HFM1: variants seen among roughly 807,000 people sequenced by gnomAD.
HFM1 encodes the protein helicase for meiosis 1, also known as probable ATP-dependent DNA helicase HFM1.
HFM1 carries 169 observed loss-of-function variants against 192.1 expected under a neutral mutation model. The observed-to-expected ratio is 0.88, with a 90% confidence interval of 0.78 to 1.00. The LOEUF (loss-of-function observed/expected upper bound fraction) is 1.00, where lower values mean the gene tolerates loss of function less well. HFM1 is among the 50% of genes least tolerant of loss of function. The probability of loss-of-function intolerance (pLI) is 0.00; values close to 1 mark genes in which losing one functional copy is unlikely to be tolerated. For missense variants in HFM1, 1,661 were observed against 1,668.0 expected (o/e 1.00, Z 0.07); for synonymous variants, 525 against 537.8 (o/e 0.98, Z 0.33).
intron 30 of HFM1, among the ~76,000 whole-genome samples, chr1:91,294,892 T>C (rs1392870539): frequency 6.6e-6 from 1 of 152,210 alleles, no homozygotes; most frequent in Non-Finnish European, 1.5e-5. Context: ...TCACATAATA[T>C]GCAAGGGGAA....
At chr1:91,299,083 G>A (rs1254371313) in intron 30 of HFM1, among the ~76,000 whole-genome samples, 1 of 152,142 alleles carries the variant, frequency 6.6e-6, no homozygotes, top group Admixed American at 6.5e-5. Flanking sequence ...AAAATAAAGG[G>A]ATGGAGGAAG....
chr1:91,390,150 G>T (rs1199792479), intron 4 of HFM1, among the ~76,000 whole-genome samples: 1 of 152,092 alleles, frequency 6.6e-6, no homozygotes, highest in African/African-American at 2.4e-5. Context: ...AAAACAAAAT[G>T]AAATACTGGC....
intron 18 of HFM1, among the ~76,000 whole-genome samples, chr1:91,347,958 T>C (rs1557888841): frequency 6.6e-6 from 1 of 152,142 alleles, no homozygotes; most frequent in Non-Finnish European, 1.5e-5. Flanking sequence ...ATCAAAAGAT[T>C]TATATTCATA....
At chr1:91,350,631 T>G (rs1040642342) in intron 18 of HFM1, 107 bp downstream of exon 18, 2 of 985,902 alleles carry the variant, frequency 2.0e-6, no homozygotes, top group East Asian at 5.3e-5. Context: ...CCTTTTGTTT[T>G]GTTACCTATT....
chr1:91,261,183 G>GA lies in HFM1; in HGVS notation c.*106dup, dbSNP rs1665122984. ...TGAACAAAGCTAATCAAATACAGGA[G>GA]AAAAAAATCCGAACAATTATGAACT... On this transcript the variant is annotated 3_prime_UTR_variant, in exon 39 of 39. Coordinates refer to ENST00000370425, the MANE Select transcript of HFM1 (RefSeq NM_001017975.6). 4.3e-6 allele frequency: 2 copies of GA among 467,692 alleles called. No individual in the cohort carries two copies. Among genetic ancestry groups the GA allele is most frequent in the Non-Finnish European group, 7.3e-6 (2 of 272,428 alleles). 29.0% of individuals were successfully genotyped at this position (467,692 alleles called of 1,614,324 possible).
chr1:91,345,775 T>C (rs2101673504), intron 19 of HFM1, among the ~76,000 whole-genome samples: 1 of 152,278 alleles, frequency 6.6e-6, no homozygotes, highest in African/African-American at 2.4e-5. Flanking sequence ...AATGGTCCTG[T>C]CTCATACCCA....
chr1:91,308,341 T>C (rs1337805868), intron 30 of HFM1, among the ~76,000 whole-genome samples: 1 of 152,154 alleles, frequency 6.6e-6, no homozygotes, highest in African/African-American at 2.4e-5. Flanking sequence ...CCACAAATCC[T>C]ATATTTGGTT....
chr1:91,304,667 C>CA (rs1336627088), intron 30 of HFM1, among the ~76,000 whole-genome samples: 6 of 148,406 alleles, frequency 4.0e-5, no homozygotes, highest in Non-Finnish European at 8.9e-5. Flanking sequence ...TTAGTAGAGA[C>CA]AGAGTTTCAC....
chr1:91,371,160 T>C (rs1312194198), intron 13 of HFM1, among the ~76,000 whole-genome samples: 2 of 152,020 alleles, frequency 1.3e-5, no homozygotes, highest in African/African-American at 2.4e-5. Flanking sequence ...AAAATGGCCA[T>C]ACTGCCCAAG....
rs1355156017 is a variant in HFM1, at chr1:91,319,274, C to T, written c.2680+19G>A. The T allele has an allele frequency of 1.2e-6, 2 of 1,605,406 alleles. No homozygotes were observed. Among genetic ancestry groups the T allele is most frequent in the African/African-American group, 1.3e-5 (1 of 74,682 alleles). ...TTTATTGGAAAAAATATTTAAAATC[C>T]ACTAATCCTGTAACATACATCTTGT... is the stretch of plus-strand genomic sequence containing the variant. On this transcript the variant is annotated intron_variant, in intron 24 of 38. Transcript: ENST00000370425.
chr1:91,352,495 T>C lies in HFM1; in HGVS notation c.1977+11A>G, dbSNP rs1189222723. 29 of 1,548,512 alleles carry C rather than the reference T, an allele frequency of 1.9e-5. No homozygotes were observed. Among genetic ancestry groups the C allele is most frequent in the Non-Finnish European group, 2.4e-5 (28 of 1,152,934 alleles). On this transcript the variant is annotated intron_variant, in intron 16 of 38. Coordinates refer to ENST00000370425, the MANE Select transcript of HFM1 (RefSeq NM_001017975.6). ...TTTTTAAGTATAAAAAGCAAAGTTA[T>C]TGTCACTTACTTGAGGTCGACCAGC...
chr1:91,357,906 G>A lies in HFM1; in HGVS notation c.1686-4607C>T, dbSNP rs371060794. On this transcript the variant is annotated intron_variant, in intron 13 of 38. Coordinates refer to ENST00000370425, the MANE Select transcript of HFM1 (RefSeq NM_001017975.6). ...GTTTAATTAAGGAGGTAAAAGATCT[G>A]TACACTGAAAGCTATCAAACAATGG... Among the ~76,000 whole-genome samples, 37 of 152,114 alleles carry A rather than the reference G, an allele frequency of 2.4e-4. No individual in the cohort carries two copies. The East Asian group carries it at 2.9e-3, about 12-fold the overall frequency.
intron 4 of HFM1, among the ~76,000 whole-genome samples, chr1:91,393,836 G>A (rs766413927): frequency 5.3e-5 from 8 of 152,040 alleles, no homozygotes; most frequent in Non-Finnish European, 1.2e-4. Context: ...TAGAAAATTT[G>A]TTAAAAATGA....
Position 91,342,151 on chromosome 1 carries a change from A to AAAAAAAAAAAAAAAAAAAC in HFM1, c.2335+1278_2335+1279insGTTTTTTTTTTTTTTTTTT, listed in dbSNP as rs58288889. On this transcript the variant is annotated intron_variant, in intron 20 of 38. Transcript: ENST00000370425. ...ACACAATGAAAAAAAAAAAAAAAAA[A>AAAAAAAAAAAAAAAAAAAC]TTCAGGCGAATATTCCTGATGAACA... Among the ~76,000 whole-genome samples, 2 of 111,832 alleles carry AAAAAAAAAAAAAAAAAAAC rather than the reference A, an allele frequency of 1.8e-5. 1 individual carries two copies. Among genetic ancestry groups the AAAAAAAAAAAAAAAAAAAC allele is most frequent in the African/African-American group, 6.8e-5 (2 of 29,540 alleles). 73.4% of individuals were successfully genotyped at this position (111,832 alleles called of 152,430 possible).
At chr1:91,287,938 T>C (rs1030084317) in intron 30 of HFM1, among the ~76,000 whole-genome samples, 5 of 151,734 alleles carry the variant, frequency 3.3e-5, no homozygotes, top group Admixed American at 6.6e-5. Context: ...ATGAATGAAA[T>C]GAAGCGAGAA....
intron 30 of HFM1, among the ~76,000 whole-genome samples, chr1:91,277,926 A>AAT (rs1391556385): frequency 1.7e-4 from 10 of 58,696 alleles, no homozygotes; most frequent in Non-Finnish European, 2.4e-4. Context: ...ACTAATATAT[A>AAT]ATATATATAC....
Position 91,343,439 on chromosome 1 carries a change from T to C in HFM1, c.2326A>G (p.Lys776Glu). Residue 776 changes from lysine (K) to glutamate (E), a missense_variant, in exon 20 of 39, where the codon AAA (lysine) becomes GAA (glutamate). Coordinates refer to ENST00000370425, the MANE Select transcript of HFM1 (RefSeq NM_001017975.6). ...LIKMDEGVNF[K>E]PTEAGRLMAW... is the part of the protein sequence containing the mutation. The stretch of plus-strand genomic sequence containing the variant: ...AATGATAAGAAATTACCAGTTGGTT[T>C]GAAATTAACACCTTCATCCATCTTT... 1 of 1,393,794 alleles carries C rather than the reference T, an allele frequency of 7.2e-7. No homozygotes were observed. Among genetic ancestry groups the C allele is most frequent in the Non-Finnish European group, 9.9e-7 (1 of 1,007,232 alleles). 86.3% of individuals were successfully genotyped at this position (1,393,794 alleles called of 1,614,324 possible).
chr1:91,274,829 A>G lies in HFM1; in HGVS notation c.3589-20T>C. On this transcript the variant is annotated intron_variant, in intron 32 of 38. Coordinates refer to ENST00000370425, the MANE Select transcript of HFM1 (RefSeq NM_001017975.6). Reference sequence around the variant, plus strand: ...CTGTATCTATTAATGAAACAAAAATAAGTTCAACTATCAGTTTCACATCAA... The same window carrying G: ...CTGTATCTATTAATGAAACAAAAATGAGTTCAACTATCAGTTTCACATCAA... 3.1e-6 allele frequency: 4 copies of G among 1,273,836 alleles called. No individual in the cohort carries two copies. The highest frequency in any genetic ancestry group is 2.6e-5 in the South Asian group (2 of 78,260). 78.9% of individuals were successfully genotyped at this position (1,273,836 alleles called of 1,614,324 possible).
chr1:91,277,589 TA>T (rs67810748), intron 30 of HFM1, among the ~76,000 whole-genome samples: 4 of 123,884 alleles, frequency 3.2e-5, no homozygotes, highest in Non-Finnish European at 4.8e-5. Context: ...ACTTTATATA[TA>T]ATATATATAC....
Sources: gnomAD v4.1 joint callset for allele counts (sites outside exome capture counted in the v4.1 genomes callset) on GRCh38, gnomAD v4.1.1 for gene constraint, MANE v1.5 for transcripts, NCBI Gene and HGNC (gene_info 2026-07-23, HGNC 2026-07-21) for gene names.